Variants in SCYL2 observed in about 807,000 individuals in gnomAD.
The protein encoded by SCYL2 is SCY1-like protein 2.
Under a neutral mutation model 100.4 loss-of-function variants are expected in SCYL2, and 36 were observed. The ratio of observed to expected loss-of-function variants is 0.36; its 90% CI spans 0.27 to 0.47. The LOEUF (loss-of-function observed/expected upper bound fraction) is 0.47. SCYL2 is among the 20% of genes least tolerant of loss of function. The pLI, the probability that SCYL2 is intolerant of heterozygous loss-of-function variation, is 1.00. For synonymous variants in SCYL2, 330 were observed against 359.2 expected (o/e 0.92, Z 0.92); for missense variants, 902 against 1,083.9 (o/e 0.83, Z 2.36).
At chr12:100,278,920 G>T (rs1356568153) in intron 1 of SCYL2, among the ~76,000 whole-genome samples, 1 of 152,092 alleles carries the variant, frequency 6.6e-6, no homozygotes, top group South Asian at 2.1e-4. Flanking sequence ...GAGCCACCGC[G>T]CCTGGCCAGT....
At chr12:100,283,266 T>C (rs1291188565) in intron 2 of SCYL2, 119 bp downstream of exon 2, 2 of 744,782 alleles carry the variant, frequency 2.7e-6, no homozygotes, top group Non-Finnish European at 4.3e-6. Flanking sequence ...TTAAATGGGT[T>C]CTTTAGTTCT....
At chr12:100,326,137 G>A (rs1467868290) in intron 11 of SCYL2, among the ~76,000 whole-genome samples, 1 of 151,972 alleles carries the variant, frequency 6.6e-6, no homozygotes, top group Non-Finnish European at 1.5e-5. Flanking sequence ...CTTAATAACT[G>A]TATATTTGGA....
intron 4 of SCYL2, among the ~76,000 whole-genome samples, chr12:100,305,857 A>G (rs138356901): frequency 0.017 from 2,550 of 152,172 alleles, 72 homozygotes; most frequent in African/African-American, 0.058. Flanking sequence ...ACAAACTACC[A>G]TCAGAGAATA....
Position 100,338,743 on chromosome 12 carries a change from C to T in SCYL2, c.2361C>T (p.Pro787=), listed in dbSNP as rs149703920. The T allele has an allele frequency of 6.3e-5, 102 of 1,613,930 alleles. No individual in the cohort carries two copies. The highest frequency in any genetic ancestry group is 3.3e-4 in the Middle Eastern group (2 of 6,078). Residue 787 remains proline (P), a synonymous_variant, in exon 18 of 18, where the codon CCC becomes CCT. Coordinates refer to ENST00000360820, the MANE Select transcript of SCYL2 (RefSeq NM_017988.6). The stretch of plus-strand genomic sequence containing the variant: ...TTCAGACTTCAGGATTCAACATGCC[C>T]GTTAATACAAACCAGAACTTCTACA... The part of the protein sequence containing the change: ...MGFQTSGFNM[P]VNTNQNFYSS...
chr12:100,336,661 C>T (rs762244860), intron 16 of SCYL2, among the ~76,000 whole-genome samples: 9 of 152,004 alleles, frequency 5.9e-5, no homozygotes, highest in Non-Finnish European at 1.2e-4. Flanking sequence ...GATCTGATTC[C>T]ATCTCATAAG....
chr12:100,306,833 A>T (rs2096335006), intron 4 of SCYL2, among the ~76,000 whole-genome samples: 2 of 152,124 alleles, frequency 1.3e-5, no homozygotes, highest in African/African-American at 4.8e-5. Context: ...AATAACAAGC[A>T]TTCCTATGCA....
At chr12:100,336,221 T>C (rs887598522) in intron 16 of SCYL2, among the ~76,000 whole-genome samples, 105 of 152,246 alleles carry the variant, frequency 6.9e-4, no homozygotes, top group African/African-American at 2.4e-3. Context: ...TTGCTTCTGC[T>C]CCTGTGTTGA....
At chr12:100,304,026 G>A (rs1227126729) in intron 4 of SCYL2, among the ~76,000 whole-genome samples, 1 of 152,164 alleles carries the variant, frequency 6.6e-6, no homozygotes, top group African/African-American at 2.4e-5. Flanking sequence ...TCTGCCCAGT[G>A]TGAACTTCTA....
chr12:100,298,129 A>C lies in SCYL2; in HGVS notation c.434A>C (p.Lys145Thr), dbSNP rs1461035268. ...NLPSPISPDI[K>T]DYKLYDVETK... The stretch of plus-strand genomic sequence containing the variant: ...CCTTCCCCTATATCTCCAGACATTA[A>C]GGATTATAAACTTTATGATGTAGAA... The change falls in exon 4 of 18, where the codon AAG (lysine) becomes ACG (threonine). Residue 145 changes from lysine (K) to threonine (T), a missense_variant. By Grantham distance (78) the Lys-to-Thr change is moderately conservative (BLOSUM62 -1). Transcript: ENST00000360820. 1 of 1,601,170 alleles carries C rather than the reference A, an allele frequency of 6.2e-7. No homozygotes were observed. Among genetic ancestry groups the C allele is most frequent in the Non-Finnish European group, 8.5e-7 (1 of 1,172,136 alleles).
intron 9 of SCYL2, among the ~76,000 whole-genome samples, chr12:100,317,051 G>A (rs1293566466): frequency 3.3e-5 from 5 of 151,580 alleles, no homozygotes; most frequent in Non-Finnish European, 7.4e-5. Context: ...AGCTATGATC[G>A]CGCCACTGCG....
At chr12:100,294,901 C>T (rs1344633682) in intron 3 of SCYL2, among the ~76,000 whole-genome samples, 123 of 150,576 alleles carry the variant, frequency 8.2e-4, no homozygotes, top group Middle Eastern at 3.5e-3. Context: ...ACTTCTCAGA[C>T]GGGGCGGCTG....
chr12:100,292,934 C>CA (rs2135854139), intron 3 of SCYL2, among the ~76,000 whole-genome samples: 2 of 152,310 alleles, frequency 1.3e-5, no homozygotes, highest in African/African-American at 4.8e-5. Flanking sequence ...CCTCCTGCCT[C>CA]AGCCTCTCAA....
At position 100,340,628 on chromosome 12, in the gene SCYL2, CA is replaced by C. The variant is rs767248496; in HGVS notation, c.*1457del. ...TATACACAATATATGTAATACACAG[CA>C]CTTGATTACAAAATGTAATTTAATT... On this transcript the variant is annotated 3_prime_UTR_variant, in exon 18 of 18. Transcript: ENST00000360820. 2.6e-5 allele frequency: 4 copies of C among 151,928 alleles called. No individual in the cohort carries two copies. Among genetic ancestry groups the C allele is most frequent in the Non-Finnish European group, 4.4e-5 (3 of 67,898 alleles). The allele number at this position is 151,928 out of a possible 1,614,324, so 9.4% of individuals were successfully genotyped here.
chr12:100,297,124 A>G (rs2096321795), intron 3 of SCYL2, among the ~76,000 whole-genome samples: 1 of 152,178 alleles, frequency 6.6e-6, no homozygotes, highest in Non-Finnish European at 1.5e-5. Context: ...CCAAGGCCTA[A>G]AGTGTTAGGG....
chr12:100,292,902 C>T (rs551295983), intron 3 of SCYL2, among the ~76,000 whole-genome samples: 85 of 152,324 alleles, frequency 5.6e-4, no homozygotes, highest in South Asian at 2.7e-3. Flanking sequence ...ACTGCAGCCT[C>T]GAACTCCTGG....
chr12:100,332,521 T>C (rs1332180546), intron 13 of SCYL2, among the ~76,000 whole-genome samples: 2 of 152,090 alleles, frequency 1.3e-5, no homozygotes, highest in Non-Finnish European at 2.9e-5. Context: ...ACAAACATGT[T>C]GAGTGAATGA....
At chr12:100,305,221 G>T (rs1371969675) in intron 4 of SCYL2, among the ~76,000 whole-genome samples, 1 of 152,128 alleles carries the variant, frequency 6.6e-6, no homozygotes, top group East Asian at 1.9e-4. Context: ...GCACCACATT[G>T]CAGTTATTCT....
intron 1 of SCYL2, among the ~76,000 whole-genome samples, chr12:100,277,213 A>T (rs1388450876): frequency 6.6e-6 from 1 of 152,186 alleles, no homozygotes; most frequent in Non-Finnish European, 1.5e-5. Context: ...ATTTTTAGTG[A>T]ATGTTACATG....
intron 10 of SCYL2, among the ~76,000 whole-genome samples, chr12:100,318,395 A>C (rs546824525): frequency 2.5e-4 from 37 of 150,588 alleles, no homozygotes; most frequent in African/African-American, 8.8e-4. Context: ...CAGTAGCACA[A>C]TCTCGGCTCA....
Sources: allele counts gnomAD v4.1 joint callset (sites outside exome capture counted in the v4.1 genomes callset), GRCh38; gene constraint gnomAD v4.1.1; transcripts MANE v1.5; gene names NCBI Gene and HGNC (gene_info 2026-07-23, HGNC 2026-07-21).